The following PRKG1 variants were observed in gnomAD, a reference collection of about 807,000 sequenced individuals.
PRKG1 encodes cGMP-dependent protein kinase 1.
Under a neutral mutation model 88.1 loss-of-function variants are expected in PRKG1, and 35 were observed. That is an observed-to-expected ratio of 0.40 (90% CI 0.30 to 0.53). The LOEUF (loss-of-function observed/expected upper bound fraction) is 0.53, where lower values mean the gene tolerates loss of function less well. PRKG1 is among the 20% of genes least tolerant of loss of function. The probability of loss-of-function intolerance (pLI) is 0.59; values close to 1 mark genes in which losing one functional copy is unlikely to be tolerated. For synonymous variants in PRKG1, 303 were observed against 292.5 expected, an observed-to-expected ratio of 1.04 and a Z score of -0.37; for missense variants, 540 against 839.8, an observed-to-expected ratio of 0.64 and a Z score of 4.41.
At chr10:51,744,198 C>G (rs1837519356) in intron 3 of PRKG1, among the ~76,000 whole-genome samples, 1 of 152,110 alleles carries the variant, frequency 6.6e-6, no homozygotes, top group Non-Finnish European at 1.5e-5. Flanking sequence ...TTAATTCTCC[C>G]TACCACTGTG....
chr10:51,065,884 T>C (rs1352977508), intron 1 of PRKG1, among the ~76,000 whole-genome samples: 2 of 152,136 alleles, frequency 1.3e-5, no homozygotes, highest in African/African-American at 2.4e-5. Context: ...ATGCGTAATA[T>C]ATAATTATGC....
chr10:51,615,902 T>C (rs1450236083), intron 3 of PRKG1, among the ~76,000 whole-genome samples: 1 of 152,196 alleles, frequency 6.6e-6, no homozygotes, highest in Non-Finnish European at 1.5e-5. Flanking sequence ...ATTTTCCCTG[T>C]GTTCTGACCT....
intron 3 of PRKG1, among the ~76,000 whole-genome samples, chr10:51,752,205 T>G (rs1360299111): frequency 1.3e-5 from 2 of 152,194 alleles, no homozygotes; most frequent in African/African-American, 4.8e-5. Flanking sequence ...TATAACCTCA[T>G]TATGCCTTTT....
At chr10:51,788,337 C>T (rs1838781565) in intron 3 of PRKG1, among the ~76,000 whole-genome samples, 1 of 152,068 alleles carries the variant, frequency 6.6e-6, no homozygotes, top group African/African-American at 2.4e-5. Context: ...ATGTGTCTTC[C>T]AGACTAGAAA....
At chr10:51,318,498 T>C (rs1042332315) in intron 2 of PRKG1, among the ~76,000 whole-genome samples, 5 of 152,108 alleles carry the variant, frequency 3.3e-5, no homozygotes, top group African/African-American at 1.2e-4. Flanking sequence ...TATGTAAGAA[T>C]AAATAAGTAT....
At chr10:51,033,035 T>G (rs1165755723) in intron 1 of PRKG1, among the ~76,000 whole-genome samples, 4 of 152,270 alleles carry the variant, frequency 2.6e-5, no homozygotes, top group African/African-American at 9.6e-5. Flanking sequence ...ACTCTGCTTT[T>G]TTTCTTCTTT....
intron 3 of PRKG1, among the ~76,000 whole-genome samples, chr10:51,660,975 T>G (rs1840283930): frequency 6.6e-6 from 1 of 152,126 alleles, no homozygotes; most frequent in African/African-American, 2.4e-5. Flanking sequence ...AATTGGAACA[T>G]AAATCACATA....
At chr10:51,338,067 C>G (rs915982437) in intron 2 of PRKG1, among the ~76,000 whole-genome samples, 6 of 151,902 alleles carry the variant, frequency 3.9e-5, no homozygotes, top group African/African-American at 1.2e-4. Flanking sequence ...TACTATGCAG[C>G]CATATGGAGC....
At chr10:52,215,174 C>T (rs1011174709) in intron 9 of PRKG1, among the ~76,000 whole-genome samples, 3 of 152,022 alleles carry the variant, frequency 2.0e-5, no homozygotes, top group Non-Finnish European at 2.9e-5. Context: ...GCAGGCAGAT[C>T]ACCTGAGGTC....
chr10:51,244,011 G>A (rs920706422), intron 2 of PRKG1, among the ~76,000 whole-genome samples: 68 of 152,062 alleles, frequency 4.5e-4, no homozygotes, highest in African/African-American at 1.5e-3. Flanking sequence ...TTGTTCTATT[G>A]TGTTGATGTT....
At chr10:51,507,786 C>T (rs190661067) in intron 3 of PRKG1, among the ~76,000 whole-genome samples, 1 of 152,096 alleles carries the variant, frequency 6.6e-6, no homozygotes, top group African/African-American at 2.4e-5. Flanking sequence ...AAGGCTAGAG[C>T]TCTTTCAATT....
chr10:51,550,185 A>G (rs141385458), intron 3 of PRKG1, among the ~76,000 whole-genome samples: 28 of 152,236 alleles, frequency 1.8e-4, no homozygotes, highest in African/African-American at 6.3e-4. Context: ...TTGAATGTGA[A>G]CATGTAAAAC....
chr10:51,153,903 G>A (rs1305923049), intron 2 of PRKG1, among the ~76,000 whole-genome samples: 4 of 151,886 alleles, frequency 2.6e-5, no homozygotes, highest in African/African-American at 4.8e-5. Context: ...ACTGAGGCAC[G>A]CACTGTGTAA....
At chr10:52,037,813 G>A (rs1311585685) in intron 5 of PRKG1, among the ~76,000 whole-genome samples, 1 of 152,124 alleles carries the variant, frequency 6.6e-6, no homozygotes, top group Non-Finnish European at 1.5e-5. Flanking sequence ...GCCTGGCGAG[G>A]AGCAGCCTGG....
rs113098056 is a variant in PRKG1 at position 51,202,549 on chromosome 10, A to C, written c.478+49219A>C. On this transcript the variant is annotated intron_variant, in intron 2 of 17. Transcript: ENST00000373980. ...TTTTAGACAGATATACACACACACA[A>C]AAAAAGACATAGACTCTTCTAAAGG... 1.5e-4 allele frequency among the ~76,000 whole-genome samples: 23 copies of C among 152,318 alleles called. No individual in the cohort carries two copies. The East Asian group carries it at 1.5e-3, about 10-fold the overall frequency.
chr10:51,008,354 G>T (rs1027078817), intron 1 of PRKG1, among the ~76,000 whole-genome samples: 2 of 152,076 alleles, frequency 1.3e-5, no homozygotes, highest in African/African-American at 2.4e-5. Context: ...GGAACACATC[G>T]CCACAAACTG....
intron 1 of PRKG1, among the ~76,000 whole-genome samples, chr10:51,077,877 A>C (rs1461968483): frequency 1.3e-5 from 2 of 152,240 alleles, no homozygotes; most frequent in Non-Finnish European, 2.9e-5. Flanking sequence ...GAGCAAATAA[A>C]CCCTTAAAAT....
intron 7 of PRKG1, among the ~76,000 whole-genome samples, chr10:52,112,642 CT>C: frequency 6.6e-6 from 1 of 152,216 alleles, no homozygotes; most frequent in Non-Finnish European, 1.5e-5. Context: ...CCTGTGAGAG[CT>C]TTCAGCCAAA....
At chr10:51,989,661 T>A (rs567199870) in intron 5 of PRKG1, among the ~76,000 whole-genome samples, 6 of 151,878 alleles carry the variant, frequency 4.0e-5, no homozygotes, top group African/African-American at 1.2e-4. Flanking sequence ...CTTTAAGAAA[T>A]GCCTCATAGT....
Sources: gnomAD v4.1 joint callset for allele counts (sites outside exome capture counted in the v4.1 genomes callset) on GRCh38, gnomAD v4.1.1 for gene constraint, MANE v1.5 for transcripts, NCBI Gene and HGNC (gene_info 2026-07-23, HGNC 2026-07-21) for gene names.